MOB3B: variants seen among roughly 807,000 people sequenced by gnomAD.
The protein encoded by MOB3B is MOB kinase activator 3B.
A neutral mutation model predicts 18.7 loss-of-function variants in MOB3B; 7 were observed. The ratio of observed to expected loss-of-function variants is 0.37; its 90% confidence interval spans 0.21 to 0.70. The LOEUF is 0.70. Ranked by LOEUF, MOB3B falls within the 30% of genes least tolerant of loss-of-function variation. The pLI is 0.52. For missense variants in MOB3B, 253 were observed against 281.3 expected (o/e 0.90, Z 0.72); for synonymous variants, 111 against 99.9 (o/e 1.11, Z -0.66).
At chr9:27,442,732 G>T (rs1822614483) in intron 2 of MOB3B, among the ~76,000 whole-genome samples, 1 of 152,048 alleles carries the variant, frequency 6.6e-6, no homozygotes, top group Non-Finnish European at 1.5e-5. Context: ...ATATTATATT[G>T]TTGCTTTGCC....
chr9:27,524,150 T>A (rs1450316408), intron 1 of MOB3B, among the ~76,000 whole-genome samples: 968 of 89,598 alleles, frequency 0.011, no homozygotes, highest in Non-Finnish European at 0.013. Flanking sequence ...TCACCCGAAG[T>A]AAAAAAAAAA....
At chr9:27,353,378 T>A (rs1394452753) in intron 3 of MOB3B, among the ~76,000 whole-genome samples, 1 of 152,136 alleles carries the variant, frequency 6.6e-6, no homozygotes, top group Non-Finnish European at 1.5e-5. Flanking sequence ...GTATCTGGGG[T>A]GAGGCCCAAG....
chr9:27,486,279 A>G (rs760669573), intron 1 of MOB3B, among the ~76,000 whole-genome samples: 24 of 152,348 alleles, frequency 1.6e-4, no homozygotes, highest in Non-Finnish European at 2.6e-4. Context: ...GAGGACCGGT[A>G]AGTGAGAAGA....
intron 2 of MOB3B, among the ~76,000 whole-genome samples, chr9:27,423,547 TA>T (rs1481639597): frequency 6.6e-6 from 1 of 152,174 alleles, no homozygotes; most frequent in Non-Finnish European, 1.5e-5. Context: ...GTGGAGCATT[TA>T]AAGAGGGAAA....
chr9:27,405,961 C>T lies in MOB3B; in HGVS notation c.419-46725G>A, dbSNP rs571520406. ...AAAGCCATATATAACATACCCATAG[C>T]TAGAATCATATCGAACTAGGAAAAA... is the stretch of plus-strand genomic sequence containing the variant. On this transcript the variant is annotated intron_variant, in intron 2 of 3. Coordinates refer to ENST00000262244, the MANE Select transcript of MOB3B (RefSeq NM_024761.5). Among the ~76,000 whole-genome samples the T allele has an allele frequency of 2.0e-5, 3 of 152,234 alleles. No homozygotes were observed. In the South Asian group the frequency reaches 6.2e-4, roughly 32 times the overall value.
intron 1 of MOB3B, among the ~76,000 whole-genome samples, chr9:27,493,475 C>T (rs191110045): frequency 4.3e-4 from 65 of 152,156 alleles, no homozygotes; most frequent in Middle Eastern, 6.8e-3. Flanking sequence ...CCTGTCTCTA[C>T]TAAAAATACA....
At chr9:27,382,643 G>A (rs1821594268) in intron 2 of MOB3B, among the ~76,000 whole-genome samples, 1 of 151,920 alleles carries the variant, frequency 6.6e-6, no homozygotes. Context: ...GCCCTCCCAA[G>A]GCATAATAAA....
chr9:27,490,965 G>A (rs1819807511), intron 1 of MOB3B, among the ~76,000 whole-genome samples: 1 of 109,842 alleles, frequency 9.1e-6, no homozygotes, highest in South Asian at 3.6e-4. Context: ...GCCCTAGATA[G>A]CACATCATAC....
At chr9:27,401,278 G>C (rs374692182) in intron 2 of MOB3B, among the ~76,000 whole-genome samples, 60 of 152,262 alleles carry the variant, frequency 3.9e-4, no homozygotes, top group African/African-American at 1.4e-3. Context: ...GGCACCCTCA[G>C]CCTGGACCCT....
intron 3 of MOB3B, among the ~76,000 whole-genome samples, chr9:27,344,788 C>A (rs968152441): frequency 1.3e-5 from 2 of 152,212 alleles, no homozygotes; most frequent in African/African-American, 4.8e-5. Flanking sequence ...AAGATGAAAT[C>A]CCTTCTGGAT....
intron 2 of MOB3B, among the ~76,000 whole-genome samples, chr9:27,426,687 C>T (rs182457729): frequency 9.8e-5 from 15 of 152,324 alleles, no homozygotes; most frequent in East Asian, 9.7e-4. Context: ...ACTGTCCCCC[C>T]CTGCCCGACT....
At chr9:27,444,954 T>C (rs1435283873) in intron 2 of MOB3B, among the ~76,000 whole-genome samples, 1 of 152,230 alleles carries the variant, frequency 6.6e-6, no homozygotes, top group Non-Finnish European at 1.5e-5. Context: ...TCTTAGTTGG[T>C]ATTCAAATTT....
At chr9:27,414,879 T>A (rs1265574458) in intron 2 of MOB3B, among the ~76,000 whole-genome samples, 3 of 152,170 alleles carry the variant, frequency 2.0e-5, no homozygotes, top group African/African-American at 7.2e-5. Context: ...TTTTTTAATT[T>A]TTTTTTTTGA....
intron 1 of MOB3B, among the ~76,000 whole-genome samples, chr9:27,491,103 A>G (rs1819810769): frequency 6.6e-6 from 1 of 152,188 alleles, no homozygotes; most frequent in Non-Finnish European, 1.5e-5. Flanking sequence ...CTTTGTATAT[A>G]TTATTTCTTC....
chr9:27,334,529 T>C (rs1820835357), intron 3 of MOB3B, among the ~76,000 whole-genome samples: 1 of 152,234 alleles, frequency 6.6e-6, no homozygotes, highest in Admixed American at 6.5e-5. Flanking sequence ...TGTTCTGATC[T>C]AAACACTTTT....
At chr9:27,477,202 A>T (rs540539768) in intron 1 of MOB3B, among the ~76,000 whole-genome samples, 1 of 151,980 alleles carries the variant, frequency 6.6e-6, no homozygotes, top group East Asian at 1.9e-4. Context: ...CCTTGACCTC[A>T]CTCTTGCTCA....
chr9:27,508,403 C>G (rs1483719612), intron 1 of MOB3B, among the ~76,000 whole-genome samples: 1 of 152,062 alleles, frequency 6.6e-6, no homozygotes, highest in East Asian at 1.9e-4. Flanking sequence ...GCTGAGGAAT[C>G]CACGTGTAGG....
At chr9:27,386,144 G>T (rs908891675) in intron 2 of MOB3B, among the ~76,000 whole-genome samples, 3 of 152,214 alleles carry the variant, frequency 2.0e-5, no homozygotes, top group African/African-American at 7.2e-5. Flanking sequence ...ATGAGTCCAA[G>T]TTTCGAGTCT....
chr9:27,505,557 A>G (rs936821630), intron 1 of MOB3B, among the ~76,000 whole-genome samples: 1 of 152,234 alleles, frequency 6.6e-6, no homozygotes, highest in African/African-American at 2.4e-5. Context: ...ATTTTCACAT[A>G]AAATAAATTT....
Sources: gnomAD v4.1 joint callset for allele counts (sites outside exome capture counted in the v4.1 genomes callset) on GRCh38, gnomAD v4.1.1 for gene constraint, MANE v1.5 for transcripts, NCBI Gene and HGNC (gene_info 2026-07-23, HGNC 2026-07-21) for gene names.